The following PCDH15 variants were observed in gnomAD, a reference collection of about 807,000 sequenced individuals.
PCDH15 encodes protocadherin related 15, also known as protocadherin-15.
In PCDH15, 129 loss-of-function variants were observed where a neutral mutation model predicts 178.5. The observed-to-expected ratio is 0.72, with a 90% confidence interval of 0.63 to 0.84. The LOEUF (loss-of-function observed/expected upper bound fraction) is 0.84, where lower values mean the gene tolerates loss of function less well. PCDH15 is among the 40% of genes least tolerant of loss of function. The pLI is 0.00. For synonymous variants in PCDH15, 800 were observed against 732.0 expected, an observed-to-expected ratio of 1.09 and a Z score of -1.50; for missense variants, 2,230 against 2,099.9, an observed-to-expected ratio of 1.06 and a Z score of -1.21.
At chr10:55,060,721 A>G (rs1841408433) in intron 2 of PCDH15, among the ~76,000 whole-genome samples, 1 of 152,068 alleles carries the variant, frequency 6.6e-6, no homozygotes, top group Non-Finnish European at 1.5e-5. Context: ...AAACGATTTT[A>G]TATGCTAAGA....
intron 1 of PCDH15, among the ~76,000 whole-genome samples, chr10:54,765,953 A>G (rs1948459072): frequency 6.6e-6 from 1 of 152,168 alleles, no homozygotes; most frequent in Non-Finnish European, 1.5e-5. Context: ...GTTAGGATTT[A>G]TAACTTTACA....
At chr10:54,931,356 C>T (rs2131853385) in intron 2 of PCDH15, among the ~76,000 whole-genome samples, 1 of 152,284 alleles carries the variant, frequency 6.6e-6, no homozygotes, top group South Asian at 2.1e-4. Flanking sequence ...AAGTTAACCT[C>T]TATATTCCAA....
At chr10:53,809,475 T>TA (rs2075787603) in intron 37 of PCDH15, 4 of 1,613,828 alleles carry the variant, frequency 2.5e-6, no homozygotes, top group Non-Finnish European at 3.4e-6. Flanking sequence ...TTTCGATAGT[T>TA]ACAACTACTT....
intron 16 of PCDH15, among the ~76,000 whole-genome samples, 186 bp downstream of exon 16, chr10:54,089,793 TAAAAA>T (rs2094570130): frequency 6.6e-6 from 1 of 152,304 alleles, no homozygotes; most frequent in African/African-American, 2.4e-5. Context: ...GTAAAAATGT[TAAAAA>T]TAAACAGTCT....
intron 2 of PCDH15, among the ~76,000 whole-genome samples, chr10:55,003,732 T>C (rs1839853777): frequency 6.6e-6 from 1 of 152,242 alleles, no homozygotes; most frequent in Non-Finnish European, 1.5e-5. Flanking sequence ...AGTAGCCTGC[T>C]TTGAGAAACT....
chr10:53,952,884 C>T (rs1241928540), intron 23 of PCDH15, among the ~76,000 whole-genome samples: 3 of 152,352 alleles, frequency 2.0e-5, no homozygotes, highest in East Asian at 3.9e-4. Context: ...TGACAATGCT[C>T]GGGGCTTGAT....
intron 3 of PCDH15, among the ~76,000 whole-genome samples, chr10:54,844,933 C>T (rs1953479491): frequency 6.6e-6 from 1 of 151,816 alleles, no homozygotes; most frequent in Admixed American, 6.6e-5. Context: ...CCTCAAAAAG[C>T]AGAATTAAGA....
At chr10:54,133,980 G>A (rs1161036155) in intron 14 of PCDH15, among the ~76,000 whole-genome samples, 1 of 134,900 alleles carries the variant, frequency 7.4e-6, no homozygotes, top group African/African-American at 2.5e-5. Context: ...ATTTAACAAA[G>A]TCATGATTTA....
chr10:55,567,501 C>T (rs1204278918), intron 2 of PCDH15, among the ~76,000 whole-genome samples: 1 of 149,938 alleles, frequency 6.7e-6, no homozygotes, highest in Non-Finnish European at 1.5e-5. Context: ...CAGTAAAAGG[C>T]AATTTACCTA....
At chr10:53,995,978 C>T (rs563997577) in intron 20 of PCDH15, among the ~76,000 whole-genome samples, 2 of 152,122 alleles carry the variant, frequency 1.3e-5, no homozygotes, top group Middle Eastern at 3.4e-3. Context: ...AACTGAAGGC[C>T]GTTCCACTGG....
chr10:54,977,188 G>C (rs750689079), intron 2 of PCDH15, among the ~76,000 whole-genome samples: 1 of 152,146 alleles, frequency 6.6e-6, no homozygotes, highest in Non-Finnish European at 1.5e-5. Flanking sequence ...ATCTTGCATA[G>C]GGTCTGGGTA....
At chr10:53,862,468 AC>A (rs1210279669) in intron 27 of PCDH15, among the ~76,000 whole-genome samples, 59 of 152,194 alleles carry the variant, frequency 3.9e-4, no homozygotes, top group African/African-American at 1.3e-3. Flanking sequence ...ACACTTCATT[AC>A]ACAATATCAA....
In PCDH15 at chr10:53,808,318, T is replaced by C. The variant is rs994824100; in HGVS notation, c.4672-1188A>G. On this transcript the variant is annotated intron_variant, in intron 37 of 37. Transcript: ENST00000644397. ...TTGAAAGATGATATAAAAACATATA[T>C]AGTGTGTGTGTGTATATATATATAT... 1.6e-5 allele frequency: 8 copies of C among 499,430 alleles called. No individual in the cohort carries two copies. The East Asian group carries it at 2.3e-3, about 141-fold the overall frequency. 30.9% of individuals were successfully genotyped at this position (499,430 alleles called of 1,614,324 possible).
intron 2 of PCDH15, among the ~76,000 whole-genome samples, chr10:54,618,895 G>GA (rs1028768007): frequency 1.3e-5 from 2 of 150,962 alleles, no homozygotes; most frequent in East Asian, 1.9e-4. Context: ...ATTCCATATG[G>GA]AAAAAAAAAT....
intron 28 of PCDH15, among the ~76,000 whole-genome samples, chr10:53,855,024 T>C (rs1386065214): frequency 1.3e-5 from 2 of 152,054 alleles, no homozygotes; most frequent in African/African-American, 2.4e-5. Context: ...CTTTTGCTAT[T>C]TTCTTTTTCA....
At chr10:55,296,721 AT>A (rs1041311044) in intron 1 of PCDH15, among the ~76,000 whole-genome samples, 6 of 151,932 alleles carry the variant, frequency 3.9e-5, no homozygotes, top group African/African-American at 9.6e-5. Context: ...TTTTTAATTT[AT>A]TTTTTTTAAA....
chr10:55,072,545 C>A (rs896935375), intron 2 of PCDH15, among the ~76,000 whole-genome samples: 2 of 151,936 alleles, frequency 1.3e-5, no homozygotes, highest in Non-Finnish European at 2.9e-5. Flanking sequence ...AAGACTAAAC[C>A]AGGAAGAAGT....
chr10:54,356,964 T>C (rs919963302), intron 5 of PCDH15, among the ~76,000 whole-genome samples: 1 of 152,098 alleles, frequency 6.6e-6, no homozygotes, highest in Non-Finnish European at 1.5e-5. Flanking sequence ...TCAACAACCC[T>C]TCATGCTAAA....
At chr10:54,987,706 GTT>G (rs57340864) in intron 2 of PCDH15, among the ~76,000 whole-genome samples, 128 of 140,660 alleles carry the variant, frequency 9.1e-4, no homozygotes, top group African/African-American at 3.2e-3. Flanking sequence ...ACTTTTTGAT[GTT>G]TTTTTTTTTT....
Sources: gnomAD v4.1 joint callset for allele counts (sites outside exome capture counted in the v4.1 genomes callset) on GRCh38, gnomAD v4.1.1 for gene constraint, MANE v1.5 for transcripts, NCBI Gene and HGNC (gene_info 2026-07-23, HGNC 2026-07-21) for gene names.